The following CFAP54 variants were observed in gnomAD, a reference collection of about 807,000 sequenced individuals.
CFAP54 encodes the protein cilia and flagella associated protein 54.
A neutral mutation model predicts 370.4 loss-of-function variants in CFAP54; 290 were observed. The observed-to-expected ratio is 0.78, with a 90% CI of 0.71 to 0.86. The LOEUF (loss-of-function observed/expected upper bound fraction) is 0.86. Ranked by LOEUF, CFAP54 falls within the 40% of genes least tolerant of loss-of-function variation. The pLI is 0.00. For missense variants in CFAP54, 3,399 were observed against 3,528.7 expected, an observed-to-expected ratio of 0.96 and a Z score of 0.93; for synonymous variants, 1,206 against 1,236.5, an observed-to-expected ratio of 0.98 and a Z score of 0.52.
At position 96,489,664 on chromosome 12, in the gene CFAP54, G is replaced by C; in HGVS notation, c.55G>C (p.Gly19Arg). The C allele has an allele frequency of 6.5e-7, 1 of 1,535,372 alleles. No individual in the cohort carries two copies. The highest frequency in any genetic ancestry group is 8.7e-7 in the Non-Finnish European group (1 of 1,146,318). The change falls in exon 1 of 68, where the codon GGG becomes CGG. Residue 19 changes from glycine (G) to arginine (R), a missense_variant. This residue lies in a region of CFAP54 where 559 missense variants were observed against 576.7 expected (regional missense o/e 0.97). Coordinates refer to ENST00000524981, the MANE Select transcript of CFAP54 (RefSeq NM_001306084.2). ...TCCGTCAGACGACTCTACCACCTCG[G>C]GGTCTCTGCCAGAACTGCCGCCGAC... Reference protein sequence around the residue: ...SSPSDDSTTSGSLPELPPTST... With the variant: ...SSPSDDSTTSRSLPELPPTST...
At chr12:96,490,885 T>C (rs1954875587) in intron 1 of CFAP54, among the ~76,000 whole-genome samples, 1 of 152,012 alleles carries the variant, frequency 6.6e-6, no homozygotes, top group South Asian at 2.1e-4. Flanking sequence ...TAAACAAATA[T>C]GTAAGTAAAT....
intron 58 of CFAP54, 34 bp downstream of exon 58, chr12:96,757,622 A>G (rs73224620): frequency 6.1e-6 from 8 of 1,311,046 alleles, no homozygotes; most frequent in Non-Finnish European, 8.6e-6. Flanking sequence ...TTATGAGTTA[A>G]TTGCCTTTGA....
intron 67 of CFAP54, among the ~76,000 whole-genome samples, chr12:96,867,411 C>T (rs1371573297): frequency 6.6e-6 from 1 of 152,086 alleles, no homozygotes; most frequent in Non-Finnish European, 1.5e-5. Context: ...GCTATATATC[C>T]AAAGGAAATG....
At position 96,549,138 on chromosome 12, in the gene CFAP54, G is replaced by A. The variant is rs151086571; in HGVS notation, c.2154+1160G>A. 5.1e-3 allele frequency among the ~76,000 whole-genome samples: 777 copies of A among 152,296 alleles called. 10 individuals carry two copies. The highest frequency in any genetic ancestry group is 0.018 in the African/African-American group (733 of 41,554). ...CAAAGTGCTGGGATTACAGGTGTGA[G>A]CTACTGTGCCTGGCCTCTCTGGTAG... On this transcript the variant is annotated intron_variant, in intron 15 of 67. Coordinates refer to ENST00000524981, the MANE Select transcript of CFAP54 (RefSeq NM_001306084.2).
chr12:96,859,377 C>G (rs1959804444), intron 66 of CFAP54, among the ~76,000 whole-genome samples: 1 of 141,434 alleles, frequency 7.1e-6, no homozygotes, highest in Non-Finnish European at 1.6e-5. Flanking sequence ...CAGTCCTACT[C>G]CAGAATGCAC....
chr12:96,594,243 G>T, intron 24 of CFAP54, 48 bp from the exon 25 acceptor site: 1 of 1,363,418 alleles, frequency 7.3e-7, no homozygotes, highest in Non-Finnish European at 9.9e-7. Flanking sequence ...AGACACATAC[G>T]CTAAGCACCT....
At chr12:96,509,814 T>TTA (rs1955145041) in intron 4 of CFAP54, among the ~76,000 whole-genome samples, 1 of 93,762 alleles carries the variant, frequency 1.1e-5, no homozygotes, top group African/African-American at 4.4e-5. Flanking sequence ...AGTCTCCATC[T>TTA]CAAAAAAAAA....
intron 20 of CFAP54, 74 bp downstream of exon 20, chr12:96,576,835 T>C (rs1717017130): frequency 8.0e-7 from 1 of 1,249,438 alleles, no homozygotes; most frequent in African/African-American, 1.5e-5. Flanking sequence ...GATTCATACT[T>C]TGATTGCTTT....
intron 50 of CFAP54, among the ~76,000 whole-genome samples, chr12:96,736,484 G>C (rs1297176268): frequency 6.6e-6 from 1 of 152,136 alleles, no homozygotes; most frequent in African/African-American, 2.4e-5. Context: ...CCCTCACTAA[G>C]AACTAAGAAA....
chr12:96,571,549 G>A (rs926647001), intron 19 of CFAP54, among the ~76,000 whole-genome samples: 11 of 152,184 alleles, frequency 7.2e-5, no homozygotes, highest in South Asian at 4.2e-4. Context: ...TTATTGATAC[G>A]TCATGGAAAG....
At chr12:96,866,095 T>C (rs1264241689) in intron 67 of CFAP54, among the ~76,000 whole-genome samples, 1 of 152,122 alleles carries the variant, frequency 6.6e-6, no homozygotes, top group Non-Finnish European at 1.5e-5. Flanking sequence ...GATTTACTTG[T>C]AAAATCCATC....
intron 19 of CFAP54, among the ~76,000 whole-genome samples, chr12:96,565,314 G>A (rs1348349213): frequency 1.3e-5 from 2 of 152,098 alleles, no homozygotes; most frequent in African/African-American, 4.8e-5. Context: ...GATCACTGCA[G>A]CTTTGAACTC....
At chr12:96,596,768 T>A (rs975376503) in intron 25 of CFAP54, among the ~76,000 whole-genome samples, 5 of 151,768 alleles carry the variant, frequency 3.3e-5, no homozygotes, top group African/African-American at 9.7e-5. Flanking sequence ...GGAAAAAAAA[T>A]ATCTCCAAAT....
intron 19 of CFAP54, chr12:96,572,881 CAG>C (rs1439930950): frequency 2.0e-6 from 2 of 985,222 alleles, no homozygotes; most frequent in Admixed American, 6.2e-5. Flanking sequence ...TGGCAGAACA[CAG>C]AAAGTTTTTT....
At chr12:96,811,883 T>C (rs1336620619) in intron 64 of CFAP54, 41 bp downstream of exon 64, 2 of 1,217,524 alleles carry the variant, frequency 1.6e-6, no homozygotes, top group African/African-American at 1.6e-5. Context: ...TTTGTTGTTA[T>C]CTCTCACGAG....
intron 34 of CFAP54, 49 bp from the exon 35 acceptor site, chr12:96,649,842 A>T: frequency 7.6e-7 from 1 of 1,308,458 alleles, no homozygotes; most frequent in Non-Finnish European, 1.1e-6. Context: ...GTTTTCTGGA[A>T]CTTAATTCTA....
At chr12:96,595,584 GC>G (rs1956169262) in intron 25 of CFAP54, among the ~76,000 whole-genome samples, 1 of 152,106 alleles carries the variant, frequency 6.6e-6, no homozygotes, top group African/African-American at 2.4e-5. Context: ...TAACTAGACA[GC>G]TTGAGTAACT....
chr12:96,527,270 G>A lies in CFAP54; in HGVS notation c.1183G>A (p.Glu395Lys). Residue 395 changes from glutamate to lysine, a missense_variant, in exon 9 of 68, where the codon GAG (glutamate) becomes AAG (lysine). Glu to Lys is a moderately conservative substitution (Grantham distance 56). Transcript: ENST00000524981. ...GTTATCATGGCCACGAACTGTCACA[G>A]AGCGGCTACTGGATGAGATGTTTGA... ...QTLSWPRTVT[E>K]RLLDEMFDST... 1 of 1,527,440 alleles carries A rather than the reference G, an allele frequency of 6.5e-7. No individual in the cohort carries two copies. Among genetic ancestry groups the A allele is most frequent in the Non-Finnish European group, 8.7e-7 (1 of 1,143,704 alleles). 94.6% of individuals were successfully genotyped at this position (1,527,440 alleles called of 1,614,324 possible). A position where few individuals can be genotyped will look rare whatever the true frequency, so the allele number is the denominator to read the frequency against.
At chr12:96,814,634 C>T (rs1457329280) in intron 64 of CFAP54, among the ~76,000 whole-genome samples, 2 of 152,188 alleles carry the variant, frequency 1.3e-5, no homozygotes, top group African/African-American at 2.4e-5. Flanking sequence ...GTTTGCCGCA[C>T]CTATCAACCT....
Sources: allele counts gnomAD v4.1 joint callset (sites outside exome capture counted in the v4.1 genomes callset), GRCh38; gene constraint gnomAD v4.1.1; regional missense constraint gnomAD v4.1.1; transcripts MANE v1.5; gene names NCBI Gene and HGNC (gene_info 2026-07-23, HGNC 2026-07-21).